The following C1QBP variants were observed in gnomAD, a reference collection of about 807,000 sequenced individuals.
C1QBP encodes the protein complement component 1 Q subcomponent-binding protein, mitochondrial.
In C1QBP, 24 loss-of-function variants were observed where a neutral mutation model predicts 29.4. The observed-to-expected ratio is 0.82, with a 90% CI of 0.59 to 1.15. The LOEUF (loss-of-function observed/expected upper bound fraction) is 1.15. Ranked by LOEUF, C1QBP falls within the 50% of genes most tolerant of loss-of-function variation. C1QBP has a pLI of 0.00. For synonymous variants in C1QBP, 182 were observed against 149.2 expected, an observed-to-expected ratio of 1.22 and a Z score of -1.60; for missense variants, 337 against 355.8, an observed-to-expected ratio of 0.95 and a Z score of 0.43.
At chr17:5,433,835 G>T (rs189170985) in intron 3 of C1QBP, 68 bp from the exon 4 acceptor site, 2 of 1,353,150 alleles carry the variant, frequency 1.5e-6, no homozygotes, top group African/African-American at 2.9e-5. Context: ...AAGGATCTCT[G>T]TTCAGAGTGT....
intron 2 of C1QBP, among the ~76,000 whole-genome samples, chr17:5,437,018 A>G (rs1597350682): frequency 1.3e-5 from 2 of 151,570 alleles, no homozygotes; most frequent in South Asian, 2.1e-4. Context: ...TTGGGGGGGG[A>G]AGCTACAAAT....
intron 2 of C1QBP, among the ~76,000 whole-genome samples, chr17:5,436,790 C>T (rs558414584): frequency 2.1e-4 from 32 of 152,206 alleles, no homozygotes; most frequent in South Asian, 6.2e-4. Flanking sequence ...GAGGCCAAGG[C>T]GGGCGGATCA....
At chr17:5,434,640 G>C (rs887627521) in intron 3 of C1QBP, 31 of 294,866 alleles carry the variant, frequency 1.1e-4, no homozygotes, top group Middle Eastern at 1.2e-3. Flanking sequence ...GCTAATTTTT[G>C]TATTTTTAGT....
chr17:5,439,111 C>G lies in C1QBP; in HGVS notation c.-38G>C. The G allele has an allele frequency of 6.5e-7, 1 of 1,537,882 alleles. No homozygotes were observed. On this transcript the variant is annotated 5_prime_UTR_variant, in exon 1 of 6. Transcript: ENST00000225698. ...TGCGAACACGTGCAGATGCAAAGGA[C>G]AACCCAGGCCTAGGCGCCCCGCGAC...
chr17:5,435,435 C>CT (rs1399123123), intron 2 of C1QBP, among the ~76,000 whole-genome samples: 1 of 152,166 alleles, frequency 6.6e-6, no homozygotes, highest in Non-Finnish European at 1.5e-5. Context: ...AAAATTTGCC[C>CT]TGCAAGGAAA....
chr17:5,436,755 C>G (rs549061347), intron 2 of C1QBP, among the ~76,000 whole-genome samples: 2 of 152,228 alleles, frequency 1.3e-5, no homozygotes, highest in South Asian at 2.1e-4. Context: ...CAGGGTGGCT[C>G]ACACCTGAAA....
chr17:5,438,259 C>A lies in C1QBP; in HGVS notation c.247G>T (p.Val83Phe). ...SLHTDGDKAFVDFLSDEIKEE... is the reference protein window; with the variant it reads ...SLHTDGDKAFFDFLSDEIKEE... ...TTAATTTCATCACTCAGGAAATCAA[C>A]AAAAGCTTTGTCTCCTAGAAAAGAA... Residue 83 changes from valine to phenylalanine, a missense_variant, in exon 2 of 6, where the codon GTT (valine) becomes TTT (phenylalanine). Transcript: ENST00000225698. 6.2e-7 allele frequency: 1 copy of A among 1,613,618 alleles called. No homozygotes were observed. Among genetic ancestry groups the A allele is most frequent in the Non-Finnish European group, 8.5e-7 (1 of 1,179,834 alleles).
At chr17:5,433,488 A>T in intron 4 of C1QBP, 73 bp from the exon 5 acceptor site, 6 of 1,588,790 alleles carry the variant, frequency 3.8e-6, no homozygotes, top group Non-Finnish European at 1.7e-6. Context: ...AAAGGGGGCC[A>T]CTGACAGCAT....
At chr17:5,436,748 G>C (rs529265422) in intron 2 of C1QBP, among the ~76,000 whole-genome samples, 2 of 147,156 alleles carry the variant, frequency 1.4e-5, no homozygotes, top group African/African-American at 5.4e-5. Flanking sequence ...GGGTGGGCAG[G>C]GTGGCTCACA....
In C1QBP at chr17:5,434,766, T is replaced by C. The variant is rs1916222574; in HGVS notation, c.477+107A>G. The stretch of plus-strand genomic sequence containing the variant: ...TAGGCGTGAGCCATGCGACTGGACT[T>C]AGAGGAATTTTTTTTTTTTGAAAGA... On this transcript the variant is annotated intron_variant, in intron 3 of 5. Coordinates refer to ENST00000225698, the MANE Select transcript of C1QBP (RefSeq NM_001212.4). The C allele has an allele frequency of 4.0e-6, 4 of 1,008,244 alleles. No homozygotes were observed. The South Asian group carries it at 6.1e-5, about 15-fold the overall frequency. 62.5% of individuals were successfully genotyped at this position (1,008,244 alleles called of 1,614,324 possible). A position where few individuals can be genotyped will look rare whatever the true frequency, so the allele number is the denominator to read the frequency against.
chr17:5,436,270 G>A (rs1368923529), intron 2 of C1QBP, among the ~76,000 whole-genome samples: 1 of 151,130 alleles, frequency 6.6e-6, no homozygotes, highest in African/African-American at 2.5e-5. Context: ...TGAAAACCTT[G>A]CGCAAATGGT....
Position 5,438,874 on chromosome 17 carries a change from C to A in C1QBP, c.200G>T (p.Cys67Phe). Residue 67 changes from cysteine (C) to phenylalanine (F), a missense_variant, in exon 1 of 6, where the codon TGT becomes TTT. Coordinates refer to ENST00000225698, the MANE Select transcript of C1QBP (RefSeq NM_001212.4). ...GTGCAGCGAGCCGCAGCCACAGCCA[C>A]AGGCGCAGGGTCCGCGAGGCCGCAG... Reference protein sequence around the residue: ...GLLRPRGPCACGCGCGSLHTD... With the variant: ...GLLRPRGPCAFGCGCGSLHTD... 1 of 1,545,592 alleles carries A rather than the reference C, an allele frequency of 6.5e-7. No homozygotes were observed. The highest frequency in any genetic ancestry group is 1.2e-5 in the South Asian group (1 of 83,922).
intron 2 of C1QBP, among the ~76,000 whole-genome samples, chr17:5,435,266 T>C (rs1916239450): frequency 6.6e-6 from 1 of 152,204 alleles, no homozygotes; most frequent in Non-Finnish European, 1.5e-5. Context: ...ACAGGGCCAG[T>C]ACCCCAGGGC....
chr17:5,435,865 T>TA (rs1380152460), intron 2 of C1QBP, among the ~76,000 whole-genome samples: 1 of 53,458 alleles, frequency 1.9e-5, no homozygotes, highest in African/African-American at 9.4e-5. Flanking sequence ...CCATCTCTAC[T>TA]AAAAAATACA....
At chr17:5,436,081 G>A (rs950115811) in intron 2 of C1QBP, among the ~76,000 whole-genome samples, 1 of 145,338 alleles carries the variant, frequency 6.9e-6, no homozygotes, top group Non-Finnish European at 1.5e-5. Context: ...ATGAAGTGCC[G>A]CCCTCCACTT....
In C1QBP at chr17:5,436,044, G is replaced by GAAA. The variant is rs556979926; in HGVS notation, c.384-1081_384-1079dup. On this transcript the variant is annotated intron_variant, in intron 2 of 5. Coordinates refer to ENST00000225698, the MANE Select transcript of C1QBP (RefSeq NM_001212.4). ...CTGGAGACACAGCAAGACTCTGTCAGAAAAAAAAAAAAAAAAAAAAGAGTA... is the reference window on the plus strand; with the variant it reads ...CTGGAGACACAGCAAGACTCTGTCAGAAAAAAAAAAAAAAAAAAAAAAAGAGTA... 3.3e-3 allele frequency among the ~76,000 whole-genome samples: 283 copies of GAAA among 85,300 alleles called. 11 individuals are homozygous for GAAA. Among genetic ancestry groups the GAAA allele is most frequent in the Middle Eastern group, 0.012 (2 of 162 alleles). 56.0% of individuals were successfully genotyped at this position (85,300 alleles called of 152,430 possible). A position where few individuals can be genotyped will look rare whatever the true frequency, so the allele number is the denominator to read the frequency against.
intron 2 of C1QBP, among the ~76,000 whole-genome samples, chr17:5,436,815 T>A (rs958791855): frequency 1.5e-4 from 23 of 152,236 alleles, no homozygotes; most frequent in African/African-American, 5.5e-4. Flanking sequence ...GTCAGGACTT[T>A]GAGACCAGCC....
chr17:5,438,364 C>T, intron 1 of C1QBP, 91 bp from the exon 2 acceptor site: 1 of 1,439,336 alleles, frequency 6.9e-7, no homozygotes, highest in Non-Finnish European at 9.4e-7. Flanking sequence ...GAAACCTGGA[C>T]TGTTTCTAAT....
Position 5,438,363 on chromosome 17 carries a change from A to C in C1QBP, c.233-90T>G, listed in dbSNP as rs186294804. The C allele has an allele frequency of 6.1e-3, 8,721 of 1,435,814 alleles. 46 individuals carry two copies. Among genetic ancestry groups the C allele is most frequent in the Non-Finnish European group, 7.4e-3 (7,829 of 1,064,474 alleles). The allele number at this position is 1,435,814 out of a possible 1,614,324, so 88.9% of individuals were successfully genotyped here. ...CAGGTTATTGCAGCCAGAAACCTGG[A>C]CTGTTTCTAATCTCTCTGCTATTAC... On this transcript the variant is annotated intron_variant, in intron 1 of 5. Coordinates refer to ENST00000225698, the MANE Select transcript of C1QBP (RefSeq NM_001212.4).
Sources: gnomAD v4.1 joint callset for allele counts (sites outside exome capture counted in the v4.1 genomes callset) on GRCh38, gnomAD v4.1.1 for gene constraint, MANE v1.5 for transcripts, NCBI Gene and HGNC (gene_info 2026-07-23, HGNC 2026-07-21) for gene names.